DPYSL3: variants seen among roughly 807,000 people sequenced by gnomAD.
DPYSL3 encodes the protein dihydropyrimidinase-related protein 3.
In DPYSL3, 16 loss-of-function variants were observed where a neutral mutation model predicts 66.1. The observed-to-expected ratio is 0.24, with a 90% CI of 0.16 to 0.37. The LOEUF (loss-of-function observed/expected upper bound fraction) is 0.37. DPYSL3 is among the 10% of genes least tolerant of loss of function. DPYSL3 has a pLI of 1.00. For missense variants in DPYSL3, 738 were observed against 916.2 expected (o/e 0.81, Z 2.51); for synonymous variants, 338 against 345.1 (o/e 0.98, Z 0.23).
chr5:147,478,939 G>A (rs1232599656), intron 1 of DPYSL3, among the ~76,000 whole-genome samples: 1 of 152,148 alleles, frequency 6.6e-6, no homozygotes, highest in Non-Finnish European at 1.5e-5. Context: ...ATTTCCACCA[G>A]ATCAGACTTG....
At chr5:147,416,903 C>T (rs1751981799) in intron 3 of DPYSL3, among the ~76,000 whole-genome samples, 1 of 151,890 alleles carries the variant, frequency 6.6e-6, no homozygotes, top group Non-Finnish European at 1.5e-5. Context: ...TGGGGTAGAA[C>T]AAAAATGAAT....
At chr5:147,462,834 T>C (rs1752953967) in intron 1 of DPYSL3, among the ~76,000 whole-genome samples, 1 of 152,092 alleles carries the variant, frequency 6.6e-6, no homozygotes, top group Non-Finnish European at 1.5e-5. Flanking sequence ...GTCACACAAA[T>C]GCCAATAGGA....
Position 147,506,236 on chromosome 5 carries a change from G to A in DPYSL3, c.381+3242C>T, listed in dbSNP as rs543073014. On this transcript the variant is annotated intron_variant, in intron 1 of 13. Transcript: ENST00000343218. The stretch of plus-strand genomic sequence containing the variant: ...TAAGATAGTGATAAATATTATAGAA[G>A]GAAGAAAAAATAAAATCCTATAGTT... Among the ~76,000 whole-genome samples, 48 of 152,028 alleles carry A rather than the reference G, an allele frequency of 3.2e-4. No homozygotes were observed. The South Asian group carries it at 8.7e-3, about 28-fold the overall frequency.
At chr5:147,492,991 T>C (rs1561805251) in intron 1 of DPYSL3, among the ~76,000 whole-genome samples, 1 of 152,050 alleles carries the variant, frequency 6.6e-6, no homozygotes, top group Non-Finnish European at 1.5e-5. Flanking sequence ...AGAAAAGGAA[T>C]GGAGAAAGAA....
At chr5:147,430,463 T>G (rs1188572027) in intron 1 of DPYSL3, among the ~76,000 whole-genome samples, 1 of 137,384 alleles carries the variant, frequency 7.3e-6, no homozygotes, top group Non-Finnish European at 1.5e-5. Context: ...TGAGCCAAGA[T>G]CGCACCATTG....
intron 1 of DPYSL3, among the ~76,000 whole-genome samples, chr5:147,452,679 G>C (rs1752754671): frequency 6.6e-6 from 1 of 151,940 alleles, no homozygotes; most frequent in Non-Finnish European, 1.5e-5. Context: ...ATAATGGCAC[G>C]TCCCCTCTCC....
intron 1 of DPYSL3, chr5:147,453,428 G>T: frequency 7.4e-7 from 1 of 1,359,142 alleles, no homozygotes; most frequent in Non-Finnish European, 9.5e-7. Flanking sequence ...CCGGACCCCG[G>T]GTCTCCGTCC....
intron 3 of DPYSL3, 58 bp from the exon 4 acceptor site, chr5:147,415,931 C>T: frequency 1.9e-6 from 3 of 1,570,010 alleles, no homozygotes; most frequent in Middle Eastern, 1.7e-4. Context: ...CTCCCCTCTG[C>T]CCAGGCCTGC....
chr5:147,443,275 ATACACCATGGAATAC>A (rs1185933010), intron 1 of DPYSL3, among the ~76,000 whole-genome samples: 1 of 152,258 alleles, frequency 6.6e-6, no homozygotes, highest in Non-Finnish European at 1.5e-5. Flanking sequence ...TGTGGTACAT[ATACACCATGGAATAC>A]TATGCAGCCA....
chr5:147,405,255 T>G (rs1007227399), intron 8 of DPYSL3, among the ~76,000 whole-genome samples: 14 of 152,210 alleles, frequency 9.2e-5, no homozygotes, highest in Admixed American at 9.2e-4. Flanking sequence ...GAGCAGGATC[T>G]TTGAATTTTG....
chr5:147,460,592 G>C lies in DPYSL3; in HGVS notation c.382-35629C>G, dbSNP rs545728841. Among the ~76,000 whole-genome samples, 28 of 152,288 alleles carry C rather than the reference G, an allele frequency of 1.8e-4. No homozygotes were observed. The South Asian group carries it at 5.6e-3, about 30-fold the overall frequency. ...TGATAAAGGGAGGAGGGAGGCAGGA[G>C]ACTCAAAAAGAGAGGGAGTTGTGTT... On this transcript the variant is annotated intron_variant, in intron 1 of 13. Coordinates refer to ENST00000343218, the MANE Select transcript of DPYSL3 (RefSeq NM_001197294.2).
chr5:147,402,341 C>CTT (rs11438535), intron 8 of DPYSL3, among the ~76,000 whole-genome samples: 3,158 of 134,422 alleles, frequency 0.023, 272 homozygotes, highest in East Asian at 0.13. Context: ...ACTCTCATGA[C>CTT]TTTTTTTTTT....
At chr5:147,432,869 G>T (rs908687027) in intron 1 of DPYSL3, among the ~76,000 whole-genome samples, 4 of 152,170 alleles carry the variant, frequency 2.6e-5, no homozygotes, top group African/African-American at 4.8e-5. Flanking sequence ...ACCTAGGAAT[G>T]AATACAATAA....
rs376039119 is a variant in DPYSL3, at chr5:147,509,552, G to A, written c.307C>T (p.Pro103Ser). The A allele has an allele frequency of 1.6e-5, 24 of 1,534,910 alleles. No individual in the cohort carries two copies. The highest frequency in any genetic ancestry group is 3.5e-4 in the Middle Eastern group (2 of 5,766). The change falls in exon 1 of 14, where the codon CCC becomes TCC. Residue 103 changes from proline to serine, a missense_variant. Physicochemically the swap from Pro to Ser is moderately conservative, Grantham distance 74 (BLOSUM62 -1). Coordinates refer to ENST00000343218, the MANE Select transcript of DPYSL3 (RefSeq NM_001197294.2). This position sits in a 1 kb window ranked among gnomAD's most constrained non-coding sequence, Gnocchi z 5.3. ...CGGATCTCTACCCCGGCGGGGGCGG[G>A]GGAGGCGGGCGCGGGCTCCCTGCTC... ...EESREPAPAS[P>S]APAGVEIRSA...
intron 1 of DPYSL3, among the ~76,000 whole-genome samples, chr5:147,472,033 C>A (rs1753094090): frequency 6.6e-6 from 1 of 152,096 alleles, no homozygotes; most frequent in Admixed American, 6.5e-5. Context: ...TCTGTGAGAC[C>A]ATAGCAATCA....
At chr5:147,424,712 G>A (rs145104463) in intron 2 of DPYSL3, among the ~76,000 whole-genome samples, 163 bp downstream of exon 2, 4 of 152,192 alleles carry the variant, frequency 2.6e-5, no homozygotes, top group African/African-American at 7.2e-5. Context: ...CCCGTAGAAT[G>A]CTCATCAATA....
intron 1 of DPYSL3, among the ~76,000 whole-genome samples, chr5:147,454,637 G>T (rs2126401875): frequency 6.6e-6 from 1 of 152,306 alleles, no homozygotes; most frequent in South Asian, 2.1e-4. Context: ...CACGTTCCTG[G>T]TGCGCAGCCA....
intron 1 of DPYSL3, among the ~76,000 whole-genome samples, chr5:147,453,195 C>T (rs1752770516): frequency 6.6e-6 from 1 of 152,206 alleles, no homozygotes; most frequent in Admixed American, 6.5e-5. Context: ...AAAAGCACAC[C>T]TCAACCTGGG....
At chr5:147,436,745 A>G (rs1462364080) in intron 1 of DPYSL3, among the ~76,000 whole-genome samples, 1 of 152,228 alleles carries the variant, frequency 6.6e-6, no homozygotes, top group Non-Finnish European at 1.5e-5. Context: ...CTGCAGAAGA[A>G]AGTGTCAATC....
Sources: allele counts gnomAD v4.1 joint callset (sites outside exome capture counted in the v4.1 genomes callset), GRCh38; gene constraint gnomAD v4.1.1; non-coding constraint Gnocchi (gnomAD v3.1); transcripts MANE v1.5; gene names NCBI Gene and HGNC (gene_info 2026-07-23, HGNC 2026-07-21).